FHIT: variants seen among roughly 807,000 people sequenced by gnomAD.
FHIT encodes the protein fragile histidine triad diadenosine triphosphatase.
Under a neutral mutation model 17.9 loss-of-function variants are expected in FHIT, and 19 were observed. That is an observed-to-expected ratio of 1.06 (90% CI 0.74 to 1.56). FHIT has a LOEUF of 1.56. Among genes scored for constraint, FHIT ranks in the 40% most tolerant of loss-of-function variants. FHIT has a pLI of 0.00. For synonymous variants in FHIT, 81 were observed against 69.7 expected, an observed-to-expected ratio of 1.16 and a Z score of -0.81; for missense variants, 248 against 189.2, an observed-to-expected ratio of 1.31 and a Z score of -1.82.
At chr3:60,238,884 G>T (rs1037415163) in intron 5 of FHIT, among the ~76,000 whole-genome samples, 4 of 152,118 alleles carry the variant, frequency 2.6e-5, no homozygotes, top group Non-Finnish European at 5.9e-5. Context: ...AATGCATTAG[G>T]AATGGAGCTG....
chr3:60,733,484 G>A (rs1157849779), intron 4 of FHIT, among the ~76,000 whole-genome samples: 3 of 152,016 alleles, frequency 2.0e-5, no homozygotes, highest in Non-Finnish European at 1.5e-5. Context: ...CTGACAGATC[G>A]AGACCTCTGG....
In FHIT at chr3:61,137,296, C is replaced by A. The variant is rs754373424; in HGVS notation, c.-164+63321G>T. On this transcript the variant is annotated intron_variant, in intron 2 of 9. Coordinates refer to ENST00000492590, the MANE Select transcript of FHIT (RefSeq NM_002012.4). ...TTTTTTTTTTTTTTTGGTACACACT[C>A]TTCTCACTATTTGTAATGCCCTTGT... Among the ~76,000 whole-genome samples the A allele has an allele frequency of 2.3e-4, 28 of 123,082 alleles. 1 individual carries two copies. Among genetic ancestry groups the A allele is most frequent in the South Asian group, 5.2e-4 (2 of 3,872 alleles). 80.7% of individuals were successfully genotyped at this position (123,082 alleles called of 152,430 possible).
chr3:60,899,983 C>CTCATTGGGCCCCA (rs1410643714), intron 3 of FHIT, among the ~76,000 whole-genome samples: 2 of 152,182 alleles, frequency 1.3e-5, no homozygotes, highest in Non-Finnish European at 2.9e-5. Context: ...GCATCCCCCA[C>CTCATTGGGCCCCA]TCATTGGGCC....
chr3:59,919,096 C>A (rs1032462363), intron 8 of FHIT, among the ~76,000 whole-genome samples: 8 of 152,124 alleles, frequency 5.3e-5, no homozygotes, highest in African/African-American at 1.7e-4. Flanking sequence ...ACAAAAAACC[C>A]CCCACTATTT....
At chr3:61,227,646 T>C (rs2040002050) in intron 1 of FHIT, among the ~76,000 whole-genome samples, 1 of 152,196 alleles carries the variant, frequency 6.6e-6, no homozygotes, top group Non-Finnish European at 1.5e-5. Flanking sequence ...AGGTTCTTTT[T>C]CTCTAATATT....
chr3:59,904,199 G>A (rs1412202986), intron 8 of FHIT, among the ~76,000 whole-genome samples: 3 of 122,846 alleles, frequency 2.4e-5, no homozygotes, highest in South Asian at 2.6e-4. Flanking sequence ...CCTAACAAAA[G>A]GAACAATAAT....
intron 2 of FHIT, among the ~76,000 whole-genome samples, chr3:61,062,421 T>C (rs190143779): frequency 2.8e-3 from 429 of 152,322 alleles, no homozygotes; most frequent in Non-Finnish European, 4.9e-3. Flanking sequence ...ATGACTCTTC[T>C]GGAATCATTT....
chr3:61,126,123 C>T (rs1435637211), intron 2 of FHIT, among the ~76,000 whole-genome samples: 1 of 152,048 alleles, frequency 6.6e-6, no homozygotes, highest in Non-Finnish European at 1.5e-5. Flanking sequence ...TGGTTGGTAT[C>T]TATGGCATCT....
chr3:60,961,155 G>T (rs542493045), intron 3 of FHIT, among the ~76,000 whole-genome samples: 19 of 152,254 alleles, frequency 1.2e-4, no homozygotes, highest in African/African-American at 4.6e-4. Flanking sequence ...TCTCATTGTG[G>T]TTTTGATTTG....
intron 5 of FHIT, among the ~76,000 whole-genome samples, chr3:60,200,448 C>T (rs923613634): frequency 2.0e-5 from 3 of 152,098 alleles, no homozygotes; most frequent in African/African-American, 7.2e-5. Flanking sequence ...TTCTCTAGGA[C>T]ATATCCCTGG....
At chr3:60,744,794 A>G (rs1202207469) in intron 4 of FHIT, among the ~76,000 whole-genome samples, 3 of 152,196 alleles carry the variant, frequency 2.0e-5, no homozygotes, top group Non-Finnish European at 4.4e-5. Flanking sequence ...AAATCCCTCA[A>G]TGACAAGGTA....
intron 5 of FHIT, among the ~76,000 whole-genome samples, chr3:60,167,967 T>C (rs1701252320): frequency 6.6e-6 from 1 of 152,240 alleles, no homozygotes; most frequent in African/African-American, 2.4e-5. Flanking sequence ...GAGAACTCAG[T>C]GAGCCGTGAT....
chr3:61,001,547 C>T (rs2031083238), intron 3 of FHIT, among the ~76,000 whole-genome samples: 1 of 152,112 alleles, frequency 6.6e-6, no homozygotes, highest in Non-Finnish European at 1.5e-5. Context: ...AAATTAAAGC[C>T]AATCTCAAGA....
At chr3:60,981,333 C>A (rs2107554602) in intron 3 of FHIT, among the ~76,000 whole-genome samples, 1 of 133,360 alleles carries the variant, frequency 7.5e-6, no homozygotes, top group Middle Eastern at 5.0e-3. Flanking sequence ...TTGACAGAGT[C>A]TCACTCTGTC....
chr3:60,814,026 T>G (rs1298741891), intron 4 of FHIT, among the ~76,000 whole-genome samples: 1 of 152,224 alleles, frequency 6.6e-6, no homozygotes, highest in East Asian at 1.9e-4. Flanking sequence ...TCTTGCTTTT[T>G]TATACATTCT....
At chr3:59,831,527 C>T (rs550720335) in intron 8 of FHIT, among the ~76,000 whole-genome samples, 1 of 152,244 alleles carries the variant, frequency 6.6e-6, no homozygotes, top group South Asian at 2.1e-4. Context: ...AGTTACTACC[C>T]TCTACCCCAG....
chr3:60,741,304 T>C (rs2042236240), intron 4 of FHIT, among the ~76,000 whole-genome samples: 1 of 152,192 alleles, frequency 6.6e-6, no homozygotes, highest in Admixed American at 6.5e-5. Context: ...TCATCCACTA[T>C]CATTTTTGAC....
In FHIT at chr3:60,833,517, TTC is replaced by T. The variant is rs1457858479; in HGVS notation, c.-110-11508_-110-11507del. Reference sequence around the variant, plus strand: ...TTTTAAGGCAGCTTCTACAATTGTATTCTGTGACCTTCTCCTCTATGATTTTT... The same window carrying T: ...TTTTAAGGCAGCTTCTACAATTGTATTGTGACCTTCTCCTCTATGATTTTT... On this transcript the variant is annotated intron_variant, in intron 3 of 9. Transcript: ENST00000492590. 6.6e-5 allele frequency among the ~76,000 whole-genome samples: 10 copies of T among 152,242 alleles called. 1 individual carries two copies. The highest frequency in any genetic ancestry group is 2.4e-4 in the African/African-American group (10 of 41,464).
intron 2 of FHIT, among the ~76,000 whole-genome samples, chr3:61,154,219 T>C (rs1377665352): frequency 6.6e-6 from 1 of 152,198 alleles, no homozygotes; most frequent in Non-Finnish European, 1.5e-5. Flanking sequence ...CATTTCTCAC[T>C]TGGCTCAGGG....
Sources: gnomAD v4.1 joint callset for allele counts (sites outside exome capture counted in the v4.1 genomes callset) on GRCh38, gnomAD v4.1.1 for gene constraint, MANE v1.5 for transcripts, NCBI Gene and HGNC (gene_info 2026-07-23, HGNC 2026-07-21) for gene names.